The following SINHCAF variants were observed in gnomAD, a reference collection of about 807,000 sequenced individuals.
SINHCAF encodes the protein SIN3-HDAC complex associated factor, also known as SIN3-HDAC complex-associated factor.
SINHCAF carries 3 observed loss-of-function variants against 25.8 expected under a neutral mutation model. That is an observed-to-expected ratio of 0.12 (90% CI 0.05 to 0.30). The LOEUF (loss-of-function observed/expected upper bound fraction) is 0.30, where lower values mean the gene tolerates loss of function less well. SINHCAF is among the 10% of genes least tolerant of loss of function. SINHCAF has a pLI of 1.00. For missense variants in SINHCAF, 121 were observed against 262.3 expected, an observed-to-expected ratio of 0.46 and a Z score of 3.72; for synonymous variants, 70 against 85.5, an observed-to-expected ratio of 0.82 and a Z score of 1.00.
rs961126275 is a variant in SINHCAF at position 31,324,228 on chromosome 12, G to A, written c.-21+1796C>T. The A allele has an allele frequency of 1.5e-5, 3 of 203,668 alleles. No individual in the cohort carries two copies. Among genetic ancestry groups the A allele is most frequent in the South Asian group, 8.3e-5 (1 of 12,094 alleles). 12.6% of individuals were successfully genotyped at this position (203,668 alleles called of 1,614,324 possible). A position where few individuals can be genotyped will look rare whatever the true frequency, so the allele number is the denominator to read the frequency against. The stretch of plus-strand genomic sequence containing the variant: ...CGCCTCCCGCACGCCGCGCTGCCGG[G>A]GCTTGTTCCTCCTCATGGCTTTGCC... On this transcript the variant is annotated intron_variant, in intron 1 of 5. Coordinates refer to ENST00000337682, the MANE Select transcript of SINHCAF (RefSeq NM_001135812.2). This position sits in a 1 kb window ranked among gnomAD's most constrained non-coding sequence, Gnocchi z 5.5.
At chr12:31,308,132 G>A (rs1172401875) in intron 1 of SINHCAF, among the ~76,000 whole-genome samples, 2 of 152,092 alleles carry the variant, frequency 1.3e-5, no homozygotes, top group South Asian at 2.1e-4. Context: ...GTAGAGACAC[G>A]GTTTCACCAT....
intron 5 of SINHCAF, among the ~76,000 whole-genome samples, chr12:31,287,302 C>A (rs1437688897): frequency 6.6e-6 from 1 of 152,118 alleles, no homozygotes; most frequent in Non-Finnish European, 1.5e-5. Flanking sequence ...ATCTCCTTTT[C>A]CTGATCCACT....
At chr12:31,290,540 A>T (rs1045473233) in intron 4 of SINHCAF, among the ~76,000 whole-genome samples, 9 of 152,238 alleles carry the variant, frequency 5.9e-5, no homozygotes, top group African/African-American at 2.2e-4. Context: ...TTAACTTAGC[A>T]AACAAAATCC....
chr12:31,299,726 C>T (rs1938707753), intron 1 of SINHCAF, among the ~76,000 whole-genome samples: 1 of 152,202 alleles, frequency 6.6e-6, no homozygotes, highest in Non-Finnish European at 1.5e-5. Context: ...AAACCTAAAG[C>T]TTCAGTACAG....
chr12:31,315,118 A>T (rs1478441998), intron 1 of SINHCAF, among the ~76,000 whole-genome samples: 4 of 152,264 alleles, frequency 2.6e-5, no homozygotes, highest in Non-Finnish European at 5.9e-5. Context: ...GCTCTGAAGT[A>T]GACTGCATGA....
At chr12:31,323,150 A>G (rs1057236793) in intron 1 of SINHCAF, among the ~76,000 whole-genome samples, 1 of 152,178 alleles carries the variant, frequency 6.6e-6, no homozygotes, top group Non-Finnish European at 1.5e-5. Context: ...AAGGCACTGA[A>G]TAACCACCAA....
chr12:31,281,084 C>T lies in SINHCAF; in HGVS notation c.*1628G>A, dbSNP rs1314261106. ...TGGCTTACTCCTTATTGTTATTATA[C>T]TATCCAATTTTTAAAATGCAGTTTA... On this transcript the variant is annotated 3_prime_UTR_variant, in exon 6 of 6. Transcript: ENST00000337682. The T allele has an allele frequency of 1.1e-4, 17 of 152,134 alleles. No homozygotes were observed. The highest frequency in any genetic ancestry group is 1.1e-3 in the Admixed American group (17 of 15,262). 9.4% of individuals were successfully genotyped at this position (152,134 alleles called of 1,614,324 possible).
chr12:31,299,859 G>T (rs565969684), intron 1 of SINHCAF, among the ~76,000 whole-genome samples: 45 of 152,330 alleles, frequency 3.0e-4, no homozygotes, highest in African/African-American at 9.1e-4. Flanking sequence ...TAGGCTATAT[G>T]GGATAGCCTA....
chr12:31,307,953 T>A (rs1222518857), intron 1 of SINHCAF, among the ~76,000 whole-genome samples: 1 of 150,894 alleles, frequency 6.6e-6, no homozygotes, highest in African/African-American at 2.4e-5. Context: ...ATTAACCTTT[T>A]AAAAAAAAAC....
At chr12:31,308,615 T>A (rs554937528) in intron 1 of SINHCAF, among the ~76,000 whole-genome samples, 7 of 152,060 alleles carry the variant, frequency 4.6e-5, no homozygotes, top group Non-Finnish European at 1.0e-4. Context: ...AAGGAGGAGG[T>A]ATGCATACAC....
rs574308922 is a variant in SINHCAF at position 31,310,580 on chromosome 12, C to T, written c.-20-12356G>A. 4.6e-5 allele frequency among the ~76,000 whole-genome samples: 7 copies of T among 152,290 alleles called. No individual in the cohort carries two copies. The South Asian group carries it at 1.5e-3, about 32-fold the overall frequency. ...TTAAGTGTTACCATTGTTAAGTGTA[C>T]AGCCTTTTGATTTTCCTTTTTCATC... On this transcript the variant is annotated intron_variant, in intron 1 of 5. Coordinates refer to ENST00000337682, the MANE Select transcript of SINHCAF (RefSeq NM_001135812.2).
intron 1 of SINHCAF, among the ~76,000 whole-genome samples, chr12:31,308,696 G>GT (rs1939134795): frequency 6.6e-6 from 1 of 152,148 alleles, no homozygotes; most frequent in Admixed American, 6.5e-5. Flanking sequence ...TTTGGGAAAA[G>GT]TAAGTGGGGC....
chr12:31,302,804 T>G (rs957535081), intron 1 of SINHCAF: 11 of 369,318 alleles, frequency 3.0e-5, no homozygotes, highest in Non-Finnish European at 4.1e-5. Context: ...GGCGGAAGGA[T>G]GATTGATTCC....
chr12:31,311,409 T>G (rs1381072049), intron 1 of SINHCAF, among the ~76,000 whole-genome samples: 1 of 152,232 alleles, frequency 6.6e-6, no homozygotes, highest in Non-Finnish European at 1.5e-5. Flanking sequence ...TGAGTTCAAA[T>G]TCTTTGGTAA....
intron 1 of SINHCAF, among the ~76,000 whole-genome samples, chr12:31,302,782 A>C (rs1938860693): frequency 6.6e-6 from 1 of 152,062 alleles, no homozygotes; most frequent in African/African-American, 2.4e-5. Flanking sequence ...TTGTGTAGGC[A>C]TCTCAGGGTC....
chr12:31,300,848 A>C (rs1479288363), intron 1 of SINHCAF, among the ~76,000 whole-genome samples: 1 of 152,154 alleles, frequency 6.6e-6, no homozygotes, highest in East Asian at 1.9e-4. Context: ...AGTTCCTCTA[A>C]TACTCTCCAA....
rs1247882718 is a variant in SINHCAF at position 31,281,073 on chromosome 12, T to C, written c.*1639A>G. ...CCTATAAAAGGTGGCTTACTCCTTATTGTTATTATACTATCCAATTTTTAA... is the reference window on the plus strand; with the variant it reads ...CCTATAAAAGGTGGCTTACTCCTTACTGTTATTATACTATCCAATTTTTAA... On this transcript the variant is annotated 3_prime_UTR_variant, in exon 6 of 6. Coordinates refer to ENST00000337682, the MANE Select transcript of SINHCAF (RefSeq NM_001135812.2). 6.6e-6 allele frequency: 1 copy of C among 152,188 alleles called. No homozygotes were observed. The highest frequency in any genetic ancestry group is 1.5e-5 in the Non-Finnish European group (1 of 68,024). 9.4% of individuals were successfully genotyped at this position (152,188 alleles called of 1,614,324 possible).
chr12:31,299,074 T>TGAA (rs2137095492), intron 1 of SINHCAF, among the ~76,000 whole-genome samples: 1 of 150,940 alleles, frequency 6.6e-6, no homozygotes, highest in South Asian at 2.1e-4. Context: ...AAGGAAGGAA[T>TGAA]GAAAACAGCT....
chr12:31,293,947 G>T lies in SINHCAF; in HGVS notation c.229-16C>A. ...CATCTACCACCTGGAAGAAAATACT[G>T]AATATTTAATAATATTTTTAAAATG... On this transcript the variant is annotated splice_polypyrimidine_tract_variant and intron_variant, in intron 3 of 5. Transcript: ENST00000337682. 6.3e-7 allele frequency: 1 copy of T among 1,575,966 alleles called. No individual in the cohort carries two copies. Among genetic ancestry groups the T allele is most frequent in the Non-Finnish European group, 8.6e-7 (1 of 1,166,216 alleles).
Sources: gnomAD v4.1 joint callset for allele counts (sites outside exome capture counted in the v4.1 genomes callset) on GRCh38, gnomAD v4.1.1 for gene constraint, Gnocchi (gnomAD v3.1) non-coding constraint, MANE v1.5 for transcripts, NCBI Gene and HGNC (gene_info 2026-07-23, HGNC 2026-07-21) for gene names.